Variants in ENOX1 observed in about 807,000 individuals in gnomAD.
The protein encoded by ENOX1 is ecto-NOX disulfide-thiol exchanger 1, also known as candidate growth-related and time keeping constitutive hydroquinone (NADH) oxidase.
ENOX1 carries 42 observed loss-of-function variants against 82.5 expected under a neutral mutation model. The ratio of observed to expected loss-of-function variants is 0.51; its 90% CI spans 0.40 to 0.66. ENOX1 has a LOEUF of 0.66. Among genes scored for constraint, ENOX1 ranks in the 30% least tolerant of loss-of-function variants. The pLI, the probability that ENOX1 is intolerant of heterozygous loss-of-function variation, is 0.00. For missense variants in ENOX1, 608 were observed against 811.6 expected, an observed-to-expected ratio of 0.75 and a Z score of 3.05; for synonymous variants, 271 against 282.2, an observed-to-expected ratio of 0.96 and a Z score of 0.40.
chr13:43,454,102 A>C (rs2057107065), intron 3 of ENOX1, among the ~76,000 whole-genome samples: 1 of 152,124 alleles, frequency 6.6e-6, no homozygotes, highest in African/African-American at 2.4e-5. Context: ...TCTACTTCTT[A>C]TTCCAGTAAT....
At chr13:43,332,209 C>A (rs889519175) in intron 9 of ENOX1, among the ~76,000 whole-genome samples, 1 of 152,144 alleles carries the variant, frequency 6.6e-6, no homozygotes, top group African/African-American at 2.4e-5. Context: ...CTGTGGAAGA[C>A]AGTTTTTCCA....
At chr13:43,594,362 T>C (rs958302379) in intron 2 of ENOX1, among the ~76,000 whole-genome samples, 2 of 152,214 alleles carry the variant, frequency 1.3e-5, no homozygotes, top group African/African-American at 2.4e-5. Flanking sequence ...TTCCTCAAAA[T>C]AGTATCTTCA....
chr13:43,716,510 T>C (rs1487453347), intron 1 of ENOX1, among the ~76,000 whole-genome samples: 1 of 152,140 alleles, frequency 6.6e-6, no homozygotes, highest in Non-Finnish European at 1.5e-5. Context: ...AAAGTAAGAA[T>C]GCTCAAGGAA....
intron 1 of ENOX1, among the ~76,000 whole-genome samples, chr13:43,750,168 T>A (rs906961964): frequency 6.6e-6 from 1 of 152,056 alleles, no homozygotes; most frequent in Non-Finnish European, 1.5e-5. Flanking sequence ...GAAGGTCCAC[T>A]CCCAGGAGGA....
intron 2 of ENOX1, among the ~76,000 whole-genome samples, chr13:43,661,765 G>A (rs1482262730): frequency 3.3e-5 from 5 of 152,124 alleles, no homozygotes; most frequent in Admixed American, 6.5e-5. Context: ...TAAAAGAAAC[G>A]GGACTGAATT....
intron 3 of ENOX1, among the ~76,000 whole-genome samples, chr13:43,460,999 G>A (rs1479989412): frequency 6.6e-6 from 1 of 151,990 alleles, no homozygotes; most frequent in Non-Finnish European, 1.5e-5. Flanking sequence ...AACACCAGAT[G>A]GATATATGAA....
chr13:43,218,551 A>G (rs1171155136), intron 16 of ENOX1, among the ~76,000 whole-genome samples: 1 of 152,182 alleles, frequency 6.6e-6, no homozygotes, highest in African/African-American at 2.4e-5. Flanking sequence ...CCTTGAGCAC[A>G]GGGGTTGGAG....
rs1455665723 is a variant in ENOX1, at chr13:43,593,662, A to C, written c.-219+73817T>G. 4.4e-3 allele frequency among the ~76,000 whole-genome samples: 161 copies of C among 36,182 alleles called. 7 individuals carry two copies. Among genetic ancestry groups the C allele is most frequent in the Admixed American group, 8.9e-3 (24 of 2,692 alleles). 23.7% of individuals were successfully genotyped at this position (36,182 alleles called of 152,430 possible). ...TCCCCCACCCCCACCCTGCCACCCA[A>C]TCTCTGTACACACACACACACACAC... On this transcript the variant is annotated intron_variant, in intron 2 of 16. Transcript: ENST00000690772.
chr13:43,498,668 C>A, intron 2 of ENOX1, among the ~76,000 whole-genome samples: 1 of 151,752 alleles, frequency 6.6e-6, no homozygotes, highest in South Asian at 2.1e-4. Flanking sequence ...ATAATTAGAA[C>A]ATCTAGTTAG....
At chr13:43,590,201 CA>C (rs1209718511) in intron 2 of ENOX1, among the ~76,000 whole-genome samples, 9 of 151,586 alleles carry the variant, frequency 5.9e-5, no homozygotes, top group Middle Eastern at 3.4e-3. Flanking sequence ...GCTTTTGAAA[CA>C]AAAAACTGAA....
At chr13:43,449,272 G>A (rs925686437) in intron 3 of ENOX1, among the ~76,000 whole-genome samples, 10 of 152,144 alleles carry the variant, frequency 6.6e-5, no homozygotes, top group Non-Finnish European at 1.3e-4. Flanking sequence ...AGGTTTCTTG[G>A]AAAAGGGTCA....
At chr13:43,258,752 T>C (rs1444386093) in intron 14 of ENOX1, among the ~76,000 whole-genome samples, 2 of 152,052 alleles carry the variant, frequency 1.3e-5, no homozygotes, top group African/African-American at 2.4e-5. Flanking sequence ...GTACCACTCA[T>C]TGTGCCCCAC....
intron 5 of ENOX1, among the ~76,000 whole-genome samples, chr13:43,396,689 C>G (rs2053174447): frequency 6.6e-6 from 1 of 152,178 alleles, no homozygotes; most frequent in South Asian, 2.1e-4. Context: ...CCAAGATTAC[C>G]TTAACCACAG....
rs570444986 is a variant in ENOX1 at position 43,515,989 on chromosome 13, C to A, written c.-218-31837G>T. 2.6e-5 allele frequency among the ~76,000 whole-genome samples: 4 copies of A among 152,230 alleles called. No individual in the cohort carries two copies. In the East Asian group the frequency reaches 7.7e-4, roughly 29 times the overall value. The stretch of plus-strand genomic sequence containing the variant: ...GCCTCCTGGCACTAATTATACTAAC[C>A]TATACCTGCAAATCTAAGCCTATTT... On this transcript the variant is annotated intron_variant, in intron 2 of 16. Coordinates refer to ENST00000690772, the MANE Select transcript of ENOX1 (RefSeq NM_001347969.2).
At chr13:43,272,948 C>A (rs1011843207) in intron 12 of ENOX1, among the ~76,000 whole-genome samples, 2 of 152,166 alleles carry the variant, frequency 1.3e-5, no homozygotes, top group South Asian at 2.1e-4. Flanking sequence ...TTGCTAATTG[C>A]CAGCTAGTAT....
At chr13:43,424,004 G>T (rs899280210) in intron 3 of ENOX1, among the ~76,000 whole-genome samples, 4 of 152,158 alleles carry the variant, frequency 2.6e-5, no homozygotes, top group Non-Finnish European at 5.9e-5. Flanking sequence ...CTTGAGGAAG[G>T]GATAAGGCCT....
At chr13:43,466,952 A>G (rs113830311) in intron 3 of ENOX1, among the ~76,000 whole-genome samples, 2,241 of 152,270 alleles carry the variant, frequency 0.015, 49 homozygotes, top group African/African-American at 0.051. Context: ...TAGCATGTAA[A>G]TGTATTCCAT....
chr13:43,387,855 G>A (rs2052524469), intron 5 of ENOX1, among the ~76,000 whole-genome samples: 1 of 151,826 alleles, frequency 6.6e-6, no homozygotes, highest in Non-Finnish European at 1.5e-5. Context: ...TGGTGTTTTC[G>A]AACATTTGAC....
intron 5 of ENOX1, 57 bp from the exon 6 acceptor site, chr13:43,361,509 T>C: frequency 6.6e-7 from 1 of 1,515,772 alleles, no homozygotes. Context: ...TTTGTTGTTG[T>C]TTTTGCCATT....
Sources: allele counts gnomAD v4.1 joint callset (sites outside exome capture counted in the v4.1 genomes callset), GRCh38; gene constraint gnomAD v4.1.1; transcripts MANE v1.5; gene names NCBI Gene and HGNC (gene_info 2026-07-23, HGNC 2026-07-21).